The following GALNT14 variants were observed in gnomAD, a reference collection of about 807,000 sequenced individuals.
GALNT14 encodes polypeptide N-acetylgalactosaminyltransferase 14.
GALNT14 carries 60 observed loss-of-function variants against 77.5 expected under a neutral mutation model. The observed-to-expected ratio is 0.77, with a 90% CI of 0.63 to 0.96. The LOEUF (loss-of-function observed/expected upper bound fraction) is 0.96. GALNT14 is among the 40% of genes least tolerant of loss of function. GALNT14 has a pLI of 0.00. For synonymous variants in GALNT14, 280 were observed against 281.7 expected, an observed-to-expected ratio of 0.99 and a Z score of 0.06; for missense variants, 710 against 731.0, an observed-to-expected ratio of 0.97 and a Z score of 0.33.
chr2:30,944,258 G>T (rs551199621), intron 8 of GALNT14, among the ~76,000 whole-genome samples: 13 of 152,292 alleles, frequency 8.5e-5, no homozygotes, highest in Middle Eastern at 3.4e-3. Flanking sequence ...CCCTCAGTTG[G>T]TCCCCAGGCC....
chr2:30,924,695 CCT>C, intron 12 of GALNT14, 43 bp downstream of exon 12: 1 of 1,539,628 alleles, frequency 6.5e-7, no homozygotes, highest in South Asian at 1.1e-5. Context: ...CAGCTGAGGG[CCT>C]CTGCTTTCAG....
At chr2:31,061,527 A>G (rs1674590773) in intron 1 of GALNT14, among the ~76,000 whole-genome samples, 1 of 152,172 alleles carries the variant, frequency 6.6e-6, no homozygotes. Flanking sequence ...AAACCAAACA[A>G]TGACCATAAA....
chr2:31,090,294 C>T (rs1446338143), intron 1 of GALNT14, among the ~76,000 whole-genome samples: 1 of 152,136 alleles, frequency 6.6e-6, no homozygotes, highest in Non-Finnish European at 1.5e-5. Flanking sequence ...GGTACTTCCC[C>T]CACTGCACTC....
chr2:31,113,244 A>G (rs980057024), intron 1 of GALNT14, among the ~76,000 whole-genome samples: 4 of 152,196 alleles, frequency 2.6e-5, no homozygotes, highest in Non-Finnish European at 4.4e-5. Context: ...CTCAGCACCA[A>G]TTCAACTGCA....
intron 1 of GALNT14, among the ~76,000 whole-genome samples, chr2:31,010,484 G>A (rs1169100755): frequency 6.6e-6 from 1 of 152,288 alleles, no homozygotes; most frequent in East Asian, 1.9e-4. Flanking sequence ...GCGGGGTGGT[G>A]AGCACCTGTA....
the GALNT14 span, among the ~76,000 whole-genome samples, chr2:30,902,718 C>T: frequency 3.3e-5 from 5 of 152,248 alleles, no homozygotes; most frequent in East Asian, 1.9e-4. Flanking sequence ...TTTAGGAAAA[C>T]GCCCACTGAG....
At chr2:31,031,590 T>G (rs1187453094) in intron 1 of GALNT14, among the ~76,000 whole-genome samples, 1 of 152,076 alleles carries the variant, frequency 6.6e-6, no homozygotes, top group Non-Finnish European at 1.5e-5. Flanking sequence ...TCCTCTCACC[T>G]CCAACTCACC....
In GALNT14 at chr2:30,948,042, G is replaced by T. The variant is rs183946403; in HGVS notation, c.655-2172C>A. Among the ~76,000 whole-genome samples, 205 of 152,284 alleles carry T rather than the reference G, an allele frequency of 1.3e-3. 1 individual carries two copies. Among genetic ancestry groups the T allele is most frequent in the African/African-American group, 4.8e-3 (198 of 41,564 alleles). On this transcript the variant is annotated intron_variant, in intron 6 of 14. Transcript: ENST00000349752. Reference sequence around the variant, plus strand: ...TGTGTGTCTGTGGATATGTCAACAGGATACATGGATACATATGGATACATA... The same window carrying T: ...TGTGTGTCTGTGGATATGTCAACAGTATACATGGATACATATGGATACATA...
chr2:31,118,109 A>C (rs750820845), intron 1 of GALNT14, among the ~76,000 whole-genome samples: 4 of 152,246 alleles, frequency 2.6e-5, no homozygotes, highest in Non-Finnish European at 4.4e-5. Context: ...TTGGTGAGTA[A>C]TTAGACGTAT....
At chr2:30,890,845 A>C in the GALNT14 span, among the ~76,000 whole-genome samples, 1 of 152,156 alleles carries the variant, frequency 6.6e-6, no homozygotes, top group African/African-American at 2.4e-5. Context: ...GTCCAGGCAG[A>C]GTGGGGAAAG....
At chr2:30,901,782 C>A in the GALNT14 span, among the ~76,000 whole-genome samples, 3,401 of 152,136 alleles carry the variant, frequency 0.022, 247 homozygotes, top group East Asian at 0.22. Context: ...TTTCCACTAC[C>A]AGATGCAACC....
intron 1 of GALNT14, among the ~76,000 whole-genome samples, chr2:31,035,815 A>G (rs766984084): frequency 3.3e-5 from 5 of 152,082 alleles, no homozygotes; most frequent in Non-Finnish European, 7.4e-5. Context: ...TGATGAGAAC[A>G]CATGGACAGC....
intron 1 of GALNT14, among the ~76,000 whole-genome samples, chr2:31,009,647 A>G (rs1459213759): frequency 1.3e-5 from 2 of 152,196 alleles, no homozygotes; most frequent in Non-Finnish European, 2.9e-5. Flanking sequence ...CTCACCTTGC[A>G]TGGATTTCAA....
intron 1 of GALNT14, among the ~76,000 whole-genome samples, chr2:31,078,448 AG>A (rs1171897375): frequency 6.6e-6 from 1 of 152,222 alleles, no homozygotes; most frequent in East Asian, 1.9e-4. Flanking sequence ...ATTGTTTTAA[AG>A]GCTACCAGAA....
intron 1 of GALNT14, among the ~76,000 whole-genome samples, chr2:31,102,433 T>C (rs1340378510): frequency 6.6e-6 from 1 of 152,144 alleles, no homozygotes. Context: ...TTTGTTTTGT[T>C]TGGATTTTAC....
chr2:31,082,158 C>T (rs531620121), intron 1 of GALNT14, among the ~76,000 whole-genome samples: 12 of 152,326 alleles, frequency 7.9e-5, no homozygotes, highest in Non-Finnish European at 1.6e-4. Flanking sequence ...GACCTGAAAT[C>T]GGGCAGAGTC....
At chr2:31,120,616 C>G (rs1176507553) in intron 1 of GALNT14, among the ~76,000 whole-genome samples, 3 of 152,056 alleles carry the variant, frequency 2.0e-5, no homozygotes, top group African/African-American at 7.2e-5. Context: ...GAGTGCAGTG[C>G]CACGATCTTG....
chr2:31,041,123 A>G (rs906340142), intron 1 of GALNT14, among the ~76,000 whole-genome samples: 1 of 152,170 alleles, frequency 6.6e-6, no homozygotes, highest in African/African-American at 2.4e-5. Flanking sequence ...TAAAACATCA[A>G]TAAGAACAGG....
At chr2:30,982,149 G>C (rs1669029019) in intron 2 of GALNT14, among the ~76,000 whole-genome samples, 1 of 152,174 alleles carries the variant, frequency 6.6e-6, no homozygotes, top group Non-Finnish European at 1.5e-5. Context: ...GCAGCAGGGA[G>C]AGGCAAATTT....
Sources: gnomAD v4.1 joint callset for allele counts (sites outside exome capture counted in the v4.1 genomes callset) on GRCh38, gnomAD v4.1.1 for gene constraint, MANE v1.5 for transcripts, NCBI Gene and HGNC (gene_info 2026-07-23, HGNC 2026-07-21) for gene names.